KHDRBS2: variants seen among roughly 807,000 people sequenced by gnomAD.
KHDRBS2 encodes the protein KH RNA binding domain containing, signal transduction associated 2.
Under a neutral mutation model 44.3 loss-of-function variants are expected in KHDRBS2, and 26 were observed. The ratio of observed to expected loss-of-function variants is 0.59; its 90% CI spans 0.43 to 0.81. KHDRBS2 has a LOEUF of 0.81. KHDRBS2 is among the 40% of genes least tolerant of loss of function. KHDRBS2 has a pLI of 0.00. For synonymous variants in KHDRBS2, 194 were observed against 151.1 expected (o/e 1.28, Z -2.08); for missense variants, 476 against 433.1 (o/e 1.10, Z -0.88).
At chr6:61,775,016 T>C (rs1182392867) in intron 6 of KHDRBS2, among the ~76,000 whole-genome samples, 1 of 151,984 alleles carries the variant, frequency 6.6e-6, no homozygotes, top group Non-Finnish European at 1.5e-5. Context: ...TAATCCAACA[T>C]ATAAACAGAA....
chr6:61,766,916 A>G (rs1415561456), intron 6 of KHDRBS2, among the ~76,000 whole-genome samples: 1 of 152,110 alleles, frequency 6.6e-6, no homozygotes, highest in Non-Finnish European at 1.5e-5. Flanking sequence ...TGAGGAGAAG[A>G]ATGTGTATCC....
At chr6:61,998,415 A>G (rs1372978919) in intron 3 of KHDRBS2, among the ~76,000 whole-genome samples, 1 of 152,060 alleles carries the variant, frequency 6.6e-6, no homozygotes, top group African/African-American at 2.4e-5. Context: ...CTCTAGCAAA[A>G]TGAGATTTTC....
At position 62,283,998 on chromosome 6, in the gene KHDRBS2, A is replaced by G. The variant is rs1358171175; in HGVS notation, c.91+1860T>C. ...AGCTTTTCCTTCTAATTCTTTACAA[A>G]AGCAGGGCATGCTTCCCCCTGCTGG... is the stretch of plus-strand genomic sequence containing the variant. On this transcript the variant is annotated intron_variant, in intron 1 of 8. Coordinates refer to ENST00000281156, the MANE Select transcript of KHDRBS2 (RefSeq NM_152688.4). 4.6e-5 allele frequency among the ~76,000 whole-genome samples: 7 copies of G among 152,202 alleles called. No homozygotes were observed. The Middle Eastern group carries it at 0.01, about 222-fold the overall frequency.
chr6:61,545,677 T>A, the KHDRBS2 span, among the ~76,000 whole-genome samples: 1 of 151,990 alleles, frequency 6.6e-6, no homozygotes, highest in Non-Finnish European at 1.5e-5. Context: ...AGACTGAATG[T>A]TTGCATCTGT....
At chr6:62,173,227 A>C (rs2150120736) in intron 2 of KHDRBS2, among the ~76,000 whole-genome samples, 1 of 152,108 alleles carries the variant, frequency 6.6e-6, no homozygotes, top group South Asian at 2.1e-4. Context: ...CCAAGTAAAC[A>C]TAAACAAATA....
chr6:61,938,122 A>G (rs1469723347), intron 4 of KHDRBS2, among the ~76,000 whole-genome samples: 2 of 152,112 alleles, frequency 1.3e-5, no homozygotes, highest in African/African-American at 2.4e-5. Context: ...AGGCATAAAT[A>G]TAAATATAAA....
rs968143749 is a variant in KHDRBS2, at chr6:62,017,181, T to C, written c.336+30697A>G. ...TCTTCAGATTGATGGACCACACCTA[T>C]AGGAGGCTGTGCCTAGGGTCACATG... On this transcript the variant is annotated intron_variant, in intron 3 of 8. Transcript: ENST00000281156. Among the ~76,000 whole-genome samples, 46 of 152,246 alleles carry C rather than the reference T, an allele frequency of 3.0e-4. 1 individual carries two copies. The highest frequency in any genetic ancestry group is 1.9e-4 in the Non-Finnish European group (13 of 67,998).
intron 1 of KHDRBS2, among the ~76,000 whole-genome samples, chr6:62,206,117 T>C (rs1020543628): frequency 6.6e-6 from 1 of 152,152 alleles, no homozygotes; most frequent in African/African-American, 2.4e-5. Flanking sequence ...TGTTGGAGAC[T>C]GAAGAGTCCG....
intron 2 of KHDRBS2, among the ~76,000 whole-genome samples, chr6:62,060,841 T>A (rs1256567478): frequency 6.6e-6 from 1 of 151,870 alleles, no homozygotes; most frequent in East Asian, 1.9e-4. Flanking sequence ...CTTTCAAATC[T>A]GTTGATTAGA....
chr6:61,910,783 A>T (rs1805912122), intron 4 of KHDRBS2, among the ~76,000 whole-genome samples: 1 of 152,204 alleles, frequency 6.6e-6, no homozygotes, highest in Admixed American at 6.5e-5. Flanking sequence ...ATAGTAGATA[A>T]ATGTTTAGAT....
chr6:61,836,007 C>A (rs1792610162), intron 6 of KHDRBS2, among the ~76,000 whole-genome samples: 1 of 151,902 alleles, frequency 6.6e-6, no homozygotes, highest in African/African-American at 2.4e-5. Flanking sequence ...TCTATGTCAA[C>A]CTGCTCTCCT....
chr6:61,629,034 T>C, the KHDRBS2 span, among the ~76,000 whole-genome samples: 2 of 152,212 alleles, frequency 1.3e-5, no homozygotes, highest in Non-Finnish European at 2.9e-5. Flanking sequence ...TAATATATTC[T>C]AATCAACCCA....
At chr6:61,900,160 T>A (rs1244115604) in intron 5 of KHDRBS2, among the ~76,000 whole-genome samples, 1 of 152,164 alleles carries the variant, frequency 6.6e-6, no homozygotes, top group African/African-American at 2.4e-5. Flanking sequence ...CTCTAGTAAA[T>A]AATATTCCTT....
At chr6:62,087,486 AAAAAG>A (rs1326249308) in intron 2 of KHDRBS2, among the ~76,000 whole-genome samples, 1 of 152,136 alleles carries the variant, frequency 6.6e-6, no homozygotes, top group African/African-American at 2.4e-5. Context: ...TTTAAAGGCC[AAAAAG>A]AAATAAAAAA....
chr6:61,648,373 T>C, the KHDRBS2 span, among the ~76,000 whole-genome samples: 1 of 152,166 alleles, frequency 6.6e-6, no homozygotes, highest in South Asian at 2.1e-4. Context: ...TGGATAGTAA[T>C]ACCATCATCA....
intron 2 of KHDRBS2, among the ~76,000 whole-genome samples, chr6:62,131,122 T>C (rs1340028319): frequency 6.6e-6 from 1 of 152,150 alleles, no homozygotes; most frequent in Non-Finnish European, 1.5e-5. Context: ...TTTATGAGGA[T>C]GAAGCTTACT....
At chr6:62,075,411 G>A (rs1285439811) in intron 2 of KHDRBS2, among the ~76,000 whole-genome samples, 2 of 151,886 alleles carry the variant, frequency 1.3e-5, no homozygotes, top group Non-Finnish European at 2.9e-5. Context: ...AAATTTTGTT[G>A]TTTATAAATA....
At chr6:61,789,346 A>C (rs1784282129) in intron 6 of KHDRBS2, among the ~76,000 whole-genome samples, 1 of 151,560 alleles carries the variant, frequency 6.6e-6, no homozygotes, top group South Asian at 2.1e-4. Context: ...AACTAAATGA[A>C]GTTATTAGAA....
intron 6 of KHDRBS2, among the ~76,000 whole-genome samples, chr6:61,870,229 T>C (rs1798459878): frequency 6.6e-6 from 1 of 151,832 alleles, no homozygotes; most frequent in African/African-American, 2.4e-5. Flanking sequence ...TTGCCATTGC[T>C]GAGGCTTGAG....
Sources: allele counts gnomAD v4.1 joint callset (sites outside exome capture counted in the v4.1 genomes callset), GRCh38; gene constraint gnomAD v4.1.1; transcripts MANE v1.5; gene names NCBI Gene and HGNC (gene_info 2026-07-23, HGNC 2026-07-21).